Variants in ACSM2A observed in about 807,000 individuals in gnomAD.
The protein encoded by ACSM2A is acyl-CoA synthetase medium chain family member 2A.
In ACSM2A, 72 loss-of-function variants were observed where a neutral mutation model predicts 76.6. The ratio of observed to expected loss-of-function variants is 0.94; its 90% CI spans 0.78 to 1.14. The LOEUF is 1.14. Among genes scored for constraint, ACSM2A ranks in the 50% most tolerant of loss-of-function variants. The pLI is 0.00. For missense variants in ACSM2A, 684 were observed against 708.5 expected, an observed-to-expected ratio of 0.97 and a Z score of 0.39; for synonymous variants, 249 against 255.9, an observed-to-expected ratio of 0.97 and a Z score of 0.26.
In ACSM2A at chr16:20,470,462, A is replaced by G. The variant is rs571058778; in HGVS notation, c.597-611A>G. 5.5e-3 allele frequency among the ~76,000 whole-genome samples: 844 copies of G among 152,308 alleles called. 10 individuals are homozygous for G. The highest frequency in any genetic ancestry group is 0.018 in the African/African-American group (766 of 41,570). On this transcript the variant is annotated intron_variant, in intron 4 of 13. Transcript: ENST00000573854. ...TCAACATGTCTGAAATCCCTCTAGC[A>G]GGGGCACATATGATAGGAAACTTGA...
intron 3 of ACSM2A, among the ~76,000 whole-genome samples, chr16:20,468,120 A>G (rs1484864782): frequency 1.3e-5 from 2 of 152,142 alleles, no homozygotes; most frequent in Non-Finnish European, 2.9e-5. Flanking sequence ...GAGAAAGGTG[A>G]CATACTGAAA....
chr16:20,468,297 A>G (rs1596654729), intron 3 of ACSM2A, among the ~76,000 whole-genome samples: 1 of 152,214 alleles, frequency 6.6e-6, no homozygotes, highest in Non-Finnish European at 1.5e-5. Flanking sequence ...GTTAAAAGCT[A>G]TTTAACAGGA....
chr16:20,465,798 C>A (rs2012960335), intron 3 of ACSM2A, 71 bp downstream of exon 3: 6 of 1,543,894 alleles, frequency 3.9e-6, no homozygotes, highest in Non-Finnish European at 5.3e-6. Context: ...GAAATGCAGC[C>A]ACCTCTCTCA....
At chr16:20,461,944 C>A (rs2012648926) in intron 2 of ACSM2A, among the ~76,000 whole-genome samples, 1 of 152,088 alleles carries the variant, frequency 6.6e-6, no homozygotes, top group African/African-American at 2.4e-5. Flanking sequence ...ATGGGTGCTA[C>A]TGATTGCTTA....
intron 3 of ACSM2A, among the ~76,000 whole-genome samples, 183 bp from the exon 4 acceptor site, chr16:20,469,329 A>T (rs577322877): frequency 4.6e-5 from 7 of 152,202 alleles, no homozygotes; most frequent in Non-Finnish European, 1.5e-5. Context: ...CTGACAACCC[A>T]GGGAATCCTA....
At position 20,483,073 on chromosome 16, in the gene ACSM2A, G is replaced by C. The variant is rs371186879; in HGVS notation, c.1525G>C (p.Val509Leu). Reference protein sequence around the residue: ...PVRGEVVKAFVVLASQFLSHD... With the variant: ...PVRGEVVKAFLVLASQFLSHD... ...TTTTTTGCAGGTGGTGAAGGCATTT[G>C]TGGTCCTGGCCTCGCAGTTCCTGTC... The change falls in exon 13 of 14, where the codon GTG becomes CTG. Residue 509 changes from valine (V) to leucine (L), a missense_variant. Transcript: ENST00000573854. 9 of 1,613,792 alleles carry C rather than the reference G, an allele frequency of 5.6e-6. No homozygotes were observed. The highest frequency in any genetic ancestry group is 1.6e-4 in the Middle Eastern group (1 of 6,082).
chr16:20,460,078 C>G (rs1170006781), intron 1 of ACSM2A, 29 bp from the exon 2 acceptor site: 1 of 1,580,986 alleles, frequency 6.3e-7, no homozygotes, highest in East Asian at 2.2e-5. Context: ...TAAAGAAGCT[C>G]TCACCTGTGT....
chr16:20,474,594 T>C (rs2013614948), intron 6 of ACSM2A, among the ~76,000 whole-genome samples: 1 of 152,188 alleles, frequency 6.6e-6, no homozygotes, highest in South Asian at 2.1e-4. Context: ...AGAAAACAGA[T>C]TAAGACAATA....
At position 20,480,890 on chromosome 16, in the gene ACSM2A, T is replaced by C. The variant is rs2014044576; in HGVS notation, c.1478T>C (p.Val493Ala). The C allele has an allele frequency of 6.2e-7, 1 of 1,613,774 alleles. No individual in the cohort carries two copies. Among genetic ancestry groups the C allele is most frequent in the South Asian group, 1.1e-5 (1 of 91,072 alleles). The stretch of plus-strand genomic sequence containing the variant: ...CACCCTGCTGTGGTTGAGACGGCTG[T>C]GATCAGCAGCCCAGACCCCGTCCGA... ...MEHPAVVETA[V>A]ISSPDPVRGE... Residue 493 changes from valine (V) to alanine (A), a missense_variant, in exon 12 of 14, where the codon GTG (valine) becomes GCG (alanine). Coordinates refer to ENST00000573854, the MANE Select transcript of ACSM2A (RefSeq NM_001308172.2).
intron 4 of ACSM2A, among the ~76,000 whole-genome samples, chr16:20,470,563 C>T (rs140125882): frequency 2.0e-5 from 3 of 152,142 alleles, no homozygotes; most frequent in Non-Finnish European, 4.4e-5. Flanking sequence ...ACCATCATGC[C>T]TGCTTTTAAA....
At position 20,475,421 on chromosome 16, in the gene ACSM2A, G is replaced by A. The variant is rs1219954320; in HGVS notation, c.954G>A (p.Leu318=). Residue 318 remains leucine (L), a synonymous_variant, in exon 7 of 14, where the codon TTG becomes TTA. Transcript: ENST00000573854. The stretch of plus-strand genomic sequence containing the variant: ...GTGCCCCCATTGTTTACCGGATGTT[G>A]CTACAGCAGGATCTTTCCAGGTGAT... The part of the protein sequence containing the change: ...MMGAPIVYRM[L]LQQDLSSYKF... 18 of 1,613,680 alleles carry A rather than the reference G, an allele frequency of 1.1e-5. No homozygotes were observed. The highest frequency in any genetic ancestry group is 1.4e-5 in the Non-Finnish European group (17 of 1,179,752).
Position 20,483,069 on chromosome 16 carries a change from A to T in ACSM2A, c.1521A>T (p.Ala507=), listed in dbSNP as rs769610790. 2 of 1,613,908 alleles carry T rather than the reference A, an allele frequency of 1.2e-6. No homozygotes were observed. Among genetic ancestry groups the T allele is most frequent in the Non-Finnish European group, 8.5e-7 (1 of 1,179,884 alleles). Residue 507 remains alanine, a synonymous_variant, in exon 13 of 14, where the codon GCA becomes GCT. Transcript: ENST00000573854. ...PDPVRGEVVK[A]FVVLASQFLS... is the part of the protein sequence containing the mutation. The stretch of plus-strand genomic sequence containing the variant: ...CATCTTTTTTGCAGGTGGTGAAGGC[A>T]TTTGTGGTCCTGGCCTCGCAGTTCC...
intron 1 of ACSM2A, among the ~76,000 whole-genome samples, chr16:20,459,089 A>G (rs2012442487): frequency 6.6e-6 from 1 of 151,680 alleles, no homozygotes; most frequent in Non-Finnish European, 1.5e-5. Flanking sequence ...AGTGGGAGCT[A>G]GGGTATACAT....
rs552735533 is a variant in ACSM2A, at chr16:20,460,105, A to G, written c.-8-2A>G. On this transcript the variant is annotated splice_acceptor_variant, in intron 1 of 13. Coordinates refer to ENST00000573854, the MANE Select transcript of ACSM2A (RefSeq NM_001308172.2). LOFTEE classifies it low-confidence loss of function (5UTR_SPLICE). ...CACCTGTGTCTCTTCTTTCTTTTACAGGCCTGAATATGCATTGGCTGCGAA... is the reference window on the plus strand; with the variant it reads ...CACCTGTGTCTCTTCTTTCTTTTACGGGCCTGAATATGCATTGGCTGCGAA... The G allele has an allele frequency of 1.2e-6, 2 of 1,602,600 alleles. No homozygotes were observed. Among genetic ancestry groups the G allele is most frequent in the East Asian group, 2.2e-5 (1 of 44,660 alleles).
chr16:20,475,276 A>G, intron 6 of ACSM2A, 86 bp from the exon 7 acceptor site: 1 of 1,605,356 alleles, frequency 6.2e-7, no homozygotes, highest in Non-Finnish European at 8.5e-7. Flanking sequence ...CTACAACTCC[A>G]TAGCTCACAA....
rs150217039 is a variant in ACSM2A, at chr16:20,479,406, G to A, written c.1281+729G>A. 8.5e-5 allele frequency among the ~76,000 whole-genome samples: 13 copies of A among 152,172 alleles called. No individual in the cohort carries two copies. The East Asian group carries it at 1.5e-3, about 18-fold the overall frequency. ...TTAAACTCATTTAAACTTTAAACTC[G>A]TTTAATCCTCCCAGCCACCCTATAA... On this transcript the variant is annotated intron_variant, in intron 10 of 13. Transcript: ENST00000573854.
chr16:20,475,784 C>A lies in ACSM2A; in HGVS notation c.1098+11C>A. The A allele has an allele frequency of 2.5e-6, 4 of 1,613,050 alleles. No homozygotes were observed. The highest frequency in any genetic ancestry group is 3.4e-6 in the Non-Finnish European group (4 of 1,179,540). On this transcript the variant is annotated intron_variant, in intron 8 of 13. Transcript: ENST00000573854. ...GGCCAGACAGAAACGGTACCTGTTC[C>A]CAGGGGAACCATGGGCTGTGTGCAC... is the stretch of plus-strand genomic sequence containing the variant.
At chr16:20,466,980 T>C (rs1440941609) in intron 3 of ACSM2A, among the ~76,000 whole-genome samples, 1 of 152,188 alleles carries the variant, frequency 6.6e-6, no homozygotes. Flanking sequence ...CATTTTTATT[T>C]TAAAGTTAGA....
chr16:20,454,340 G>A (rs2011989333), intron 1 of ACSM2A, among the ~76,000 whole-genome samples: 1 of 151,942 alleles, frequency 6.6e-6, no homozygotes, highest in Admixed American at 6.6e-5. Flanking sequence ...AGGTATGGGA[G>A]GACACTGGTG....
Sources: allele counts gnomAD v4.1 joint callset (sites outside exome capture counted in the v4.1 genomes callset), GRCh38; gene constraint gnomAD v4.1.1; transcripts MANE v1.5; gene names NCBI Gene and HGNC (gene_info 2026-07-23, HGNC 2026-07-21).